Variants in TNNI3K observed in about 807,000 individuals in gnomAD.
TNNI3K encodes TNNI3 interacting kinase.
Under a neutral mutation model 114.5 loss-of-function variants are expected in TNNI3K, and 140 were observed. The ratio of observed to expected loss-of-function variants is 1.22; its 90% CI spans 1.07 to 1.41. The LOEUF (loss-of-function observed/expected upper bound fraction) is 1.41. TNNI3K is among the 40% of genes most tolerant of loss of function. The pLI is 0.00. For synonymous variants in TNNI3K, 347 were observed against 347.5 expected, an observed-to-expected ratio of 1.00 and a Z score of 0.02; for missense variants, 1,125 against 1,007.6, an observed-to-expected ratio of 1.12 and a Z score of -1.58.
chr1:74,452,979 T>A (rs1667089296), intron 20 of TNNI3K, among the ~76,000 whole-genome samples: 1 of 152,178 alleles, frequency 6.6e-6, no homozygotes, highest in Non-Finnish European at 1.5e-5. Context: ...ATAATTTCTT[T>A]CCAAAAATCT....
At chr1:74,349,276 G>A (rs565033847) in intron 9 of TNNI3K, among the ~76,000 whole-genome samples, 343 of 152,180 alleles carry the variant, frequency 2.3e-3, no homozygotes, top group African/African-American at 8.0e-3. Flanking sequence ...TTATATGCTG[G>A]ATTACATTTA....
intron 5 of TNNI3K, among the ~76,000 whole-genome samples, chr1:74,317,206 C>A (rs1011685019): frequency 6.6e-6 from 1 of 152,162 alleles, no homozygotes; most frequent in Non-Finnish European, 1.5e-5. Flanking sequence ...AGTATATATC[C>A]ATGGTCATGG....
chr1:74,353,464 G>A, intron 10 of TNNI3K, 104 bp downstream of exon 10: 1 of 1,200,970 alleles, frequency 8.3e-7, no homozygotes, highest in Non-Finnish European at 1.2e-6. Context: ...CAACTCCAGT[G>A]GGAAAGGGTA....
At chr1:74,476,167 A>C (rs973946190) in intron 21 of TNNI3K, among the ~76,000 whole-genome samples, 5 of 152,162 alleles carry the variant, frequency 3.3e-5, no homozygotes, top group African/African-American at 9.7e-5. Context: ...CTCATAATAG[A>C]GTGAATGACT....
At chr1:74,371,263 A>G (rs1456497302) in intron 17 of TNNI3K, 1 of 151,890 alleles carries the variant, frequency 6.6e-6, no homozygotes, top group African/African-American at 2.4e-5. Flanking sequence ...CATTTGGTCA[A>G]CAACTATGTT....
intron 2 of TNNI3K, among the ~76,000 whole-genome samples, chr1:74,237,881 G>A (rs548500281): frequency 2.5e-4 from 38 of 151,998 alleles, no homozygotes; most frequent in East Asian, 1.2e-3. Context: ...CATGTGTGCC[G>A]AATAATATTA....
intron 20 of TNNI3K, among the ~76,000 whole-genome samples, chr1:74,462,536 A>G (rs1667494075): frequency 6.6e-6 from 1 of 152,258 alleles, no homozygotes. Context: ...CATTAGTTAT[A>G]TGTAAAATGT....
chr1:74,386,364 T>A (rs1663480234), intron 17 of TNNI3K, among the ~76,000 whole-genome samples: 1 of 152,124 alleles, frequency 6.6e-6, no homozygotes, highest in Non-Finnish European at 1.5e-5. Context: ...TCATTCCATT[T>A]ATTCAGAGTA....
Position 74,364,030 on chromosome 1 carries a change from C to T in TNNI3K, c.1178-3226C>T, listed in dbSNP as rs1300274057. On this transcript the variant is annotated intron_variant, in intron 11 of 24. Transcript: ENST00000326637. ...TATTATTTTAGAGACAGGGTCTCAC[C>T]CAGGTCTAGCCCAGGCTGGAGTGCA... Among the ~76,000 whole-genome samples, 4 of 147,996 alleles carry T rather than the reference C, an allele frequency of 2.7e-5. No homozygotes were observed. In the Admixed American group the frequency reaches 2.7e-4, roughly 10 times the overall value.
At chr1:74,275,548 A>C (rs968674040) in intron 5 of TNNI3K, among the ~76,000 whole-genome samples, 2 of 151,998 alleles carry the variant, frequency 1.3e-5, no homozygotes, top group Non-Finnish European at 2.9e-5. Flanking sequence ...AGGAGTTATG[A>C]GAGGGGATTT....
At chr1:74,319,332 T>G (rs1219506537) in intron 5 of TNNI3K, among the ~76,000 whole-genome samples, 6 of 152,242 alleles carry the variant, frequency 3.9e-5, no homozygotes, top group African/African-American at 1.4e-4. Flanking sequence ...AATCTTGTTG[T>G]AACCTATTCT....
intron 23 of TNNI3K, among the ~76,000 whole-genome samples, chr1:74,529,534 T>G (rs924375049): frequency 3.3e-5 from 5 of 152,210 alleles, no homozygotes; most frequent in African/African-American, 1.2e-4. Flanking sequence ...TCTTTTGCTA[T>G]AAAAAGCGTT....
intron 23 of TNNI3K, among the ~76,000 whole-genome samples, chr1:74,502,878 C>G (rs1669706347): frequency 6.6e-6 from 1 of 150,396 alleles, no homozygotes; most frequent in African/African-American, 2.5e-5. Context: ...ACAGCCTCTC[C>G]CAAACAGCCT....
chr1:74,450,714 T>A (rs141725321), intron 20 of TNNI3K, among the ~76,000 whole-genome samples: 52 of 152,244 alleles, frequency 3.4e-4, no homozygotes, highest in Non-Finnish European at 6.3e-4. Flanking sequence ...TTCATGCCAG[T>A]CAGAATGGCG....
In TNNI3K at chr1:74,345,022, C is replaced by A. The variant is rs1025368193; in HGVS notation, c.932+1843C>A. On this transcript the variant is annotated intron_variant, in intron 9 of 24. Coordinates refer to ENST00000326637, the MANE Select transcript of TNNI3K (RefSeq NM_015978.3). ...ATGTATATATATGTACACGCATACA[C>A]GTGTGTGCATGTATATATGTGCATG... Among the ~76,000 whole-genome samples the A allele has an allele frequency of 1.9e-4, 29 of 151,858 alleles. No homozygotes were observed. The South Asian group carries it at 2.3e-3, about 12-fold the overall frequency.
chr1:74,275,862 A>G (rs1404034941), intron 5 of TNNI3K, among the ~76,000 whole-genome samples: 1 of 152,126 alleles, frequency 6.6e-6, no homozygotes, highest in African/African-American at 2.4e-5. Context: ...AGTAGATGGC[A>G]TGGCAGATTA....
intron 23 of TNNI3K, among the ~76,000 whole-genome samples, chr1:74,525,413 A>C (rs1191817833): frequency 6.6e-6 from 1 of 152,162 alleles, no homozygotes; most frequent in East Asian, 1.9e-4. Context: ...AGCAGCTAGG[A>C]AGTAGAGGTG....
In TNNI3K at chr1:74,368,671, C is replaced by A. The variant is rs548474387; in HGVS notation, c.1322-351C>A. ...CATGCAGGAATAGATCAGGAATAGA[C>A]CTTCAGCCCTGCTAACAAGGAGTGA... On this transcript the variant is annotated intron_variant, in intron 13 of 24. Coordinates refer to ENST00000326637, the MANE Select transcript of TNNI3K (RefSeq NM_015978.3). Among the ~76,000 whole-genome samples, 6 of 151,876 alleles carry A rather than the reference C, an allele frequency of 4.0e-5. 1 individual carries two copies. In the South Asian group the frequency reaches 1.2e-3, roughly 32 times the overall value.
At chr1:74,477,620 G>A (rs1256871025) in intron 21 of TNNI3K, among the ~76,000 whole-genome samples, 2 of 152,186 alleles carry the variant, frequency 1.3e-5, no homozygotes, top group Admixed American at 6.5e-5. Context: ...TTTGATTATA[G>A]GATACAGTTT....
Sources: allele counts gnomAD v4.1 joint callset (sites outside exome capture counted in the v4.1 genomes callset), GRCh38; gene constraint gnomAD v4.1.1; transcripts MANE v1.5; gene names NCBI Gene and HGNC (gene_info 2026-07-23, HGNC 2026-07-21).